FSTL4: variants seen among roughly 807,000 people sequenced by gnomAD.
FSTL4 encodes follistatin-related protein 4.
FSTL4 carries 28 observed loss-of-function variants against 78.2 expected under a neutral mutation model. That is an observed-to-expected ratio of 0.36 (90% CI 0.27 to 0.49). The LOEUF (loss-of-function observed/expected upper bound fraction) is 0.49. Among genes scored for constraint, FSTL4 ranks in the 20% least tolerant of loss-of-function variants. The pLI, the probability that FSTL4 is intolerant of heterozygous loss-of-function variation, is 0.98. For missense variants in FSTL4, 922 were observed against 1,084.9 expected (o/e 0.85, Z 2.11); for synonymous variants, 422 against 440.5 (o/e 0.96, Z 0.53).
chr5:133,635,037 A>G, the FSTL4 span, among the ~76,000 whole-genome samples: 33 of 152,046 alleles, frequency 2.2e-4, no homozygotes, highest in African/African-American at 8.0e-4. Context: ...TAGTTCCTCT[A>G]CTTGGCATTT....
the FSTL4 span, among the ~76,000 whole-genome samples, chr5:133,798,114 A>G: frequency 0.99 from 151,207 of 152,344 alleles, 75,048 homozygotes; most frequent in Middle Eastern, 1. Flanking sequence ...GTGGCCCTCC[A>G]CTCATCTGTG....
At position 133,235,499 on chromosome 5, in the gene FSTL4, C is replaced by CAAA. The variant is rs71581361; in HGVS notation, c.895-1965_895-1963dup. Among the ~76,000 whole-genome samples, 306 of 97,458 alleles carry CAAA rather than the reference C, an allele frequency of 3.1e-3. 3 individuals are homozygous for CAAA. Among genetic ancestry groups the CAAA allele is most frequent in the East Asian group, 0.01 (36 of 3,562 alleles). 63.9% of individuals were successfully genotyped at this position (97,458 alleles called of 152,430 possible). A position where few individuals can be genotyped will look rare whatever the true frequency, so the allele number is the denominator to read the frequency against. ...GGGTGACAGAGCGAGACCCCACCTCCAAAAAAAAAAAAAAAAAAAGACACT... is the reference window on the plus strand; with the variant it reads ...GGGTGACAGAGCGAGACCCCACCTCCAAAAAAAAAAAAAAAAAAAAAAGACACT... On this transcript the variant is annotated intron_variant, in intron 7 of 15. Coordinates refer to ENST00000265342, the MANE Select transcript of FSTL4 (RefSeq NM_015082.2).
At chr5:133,211,588 C>A (rs1750723437) in intron 13 of FSTL4, among the ~76,000 whole-genome samples, 1 of 152,214 alleles carries the variant, frequency 6.6e-6, no homozygotes, top group East Asian at 1.9e-4. Flanking sequence ...AAGAAGTAAG[C>A]ATTTCTCCTT....
At chr5:133,356,747 C>T (rs914216668) in intron 4 of FSTL4, among the ~76,000 whole-genome samples, 2 of 152,250 alleles carry the variant, frequency 1.3e-5, no homozygotes, top group Non-Finnish European at 2.9e-5. Context: ...AGCATGGCTG[C>T]CTCCTGGCCT....
the FSTL4 span, among the ~76,000 whole-genome samples, chr5:133,670,522 A>G: frequency 1.3e-5 from 2 of 152,250 alleles, no homozygotes; most frequent in South Asian, 2.1e-4. Context: ...TTTTCACCCC[A>G]GAGTTGGGGG....
the FSTL4 span, among the ~76,000 whole-genome samples, chr5:133,772,054 G>C: frequency 6.6e-6 from 1 of 152,132 alleles, no homozygotes; most frequent in African/African-American, 2.4e-5. Context: ...TGCCAAAAAG[G>C]ACAATAATTC....
chr5:133,461,515 A>T (rs1757590241), intron 3 of FSTL4, among the ~76,000 whole-genome samples: 1 of 151,654 alleles, frequency 6.6e-6, no homozygotes, highest in Non-Finnish European at 1.5e-5. Context: ...ACATCCTGGG[A>T]TGAATGCAAA....
At chr5:133,629,792 T>A in the FSTL4 span, among the ~76,000 whole-genome samples, 1 of 152,182 alleles carries the variant, frequency 6.6e-6, no homozygotes, top group Non-Finnish European at 1.5e-5. Flanking sequence ...AAAAAGCTTA[T>A]CCACCACGAT....
chr5:133,814,296 A>G, the FSTL4 span, among the ~76,000 whole-genome samples: 13 of 152,312 alleles, frequency 8.5e-5, no homozygotes, highest in African/African-American at 3.1e-4. Flanking sequence ...TGGAGGTTGC[A>G]CGGAAGCCAC....
the FSTL4 span, among the ~76,000 whole-genome samples, chr5:133,770,480 A>G: frequency 4.0e-4 from 61 of 152,196 alleles, no homozygotes; most frequent in African/African-American, 1.4e-3. Flanking sequence ...ATGATTAGTG[A>G]TGTTGAGCAG....
At chr5:133,604,408 T>A (rs1352152128) in intron 1 of FSTL4, among the ~76,000 whole-genome samples, 2 of 152,168 alleles carry the variant, frequency 1.3e-5, no homozygotes, top group Non-Finnish European at 1.5e-5. Flanking sequence ...CAATTAGTGC[T>A]CGAGAAACTA....
intron 12 of FSTL4, 65 bp downstream of exon 12, chr5:133,220,683 A>G (rs546946058): frequency 2.3e-6 from 2 of 871,176 alleles, no homozygotes; most frequent in Admixed American, 1.8e-5. Context: ...ATGCCTGGTT[A>G]AAGATAGACT....
chr5:133,350,410 C>T (rs193135587), intron 4 of FSTL4, among the ~76,000 whole-genome samples: 34 of 152,362 alleles, frequency 2.2e-4, no homozygotes, highest in Non-Finnish European at 4.0e-4. Context: ...CGCTGTTGCA[C>T]GAAGGGCCCA....
At chr5:133,731,757 C>T in the FSTL4 span, among the ~76,000 whole-genome samples, 3 of 152,094 alleles carry the variant, frequency 2.0e-5, no homozygotes, top group Non-Finnish European at 2.9e-5. Context: ...GAGCATCCCC[C>T]AAGGTGCAAG....
At chr5:133,212,580 A>G (rs887087291) in intron 13 of FSTL4, among the ~76,000 whole-genome samples, 3 of 152,356 alleles carry the variant, frequency 2.0e-5, no homozygotes, top group Non-Finnish European at 4.4e-5. Flanking sequence ...TTGATAGAAC[A>G]TATCCAAATT....
Position 133,233,455 on chromosome 5 carries a change from T to C in FSTL4, c.977A>G (p.His326Arg), listed in dbSNP as rs1165184704. The C allele has an allele frequency of 1.2e-6, 2 of 1,614,228 alleles. No homozygotes were observed. The highest frequency in any genetic ancestry group is 1.7e-6 in the Non-Finnish European group (2 of 1,180,044). Residue 326 changes from histidine (H) to arginine (R), a missense_variant, in exon 8 of 16, where the codon CAC becomes CGC. By Grantham distance (29) the His-to-Arg change is conservative. Transcript: ENST00000265342. ...GACGTGGGTCTGGAACAGCTGCTCG[T>C]GGCCGGAAGCATGGCAGGTGTAATT... ...MGNYTCHASG[H>R]EQLFQTHVLQ...
chr5:133,501,030 C>T (rs112238127), intron 3 of FSTL4, among the ~76,000 whole-genome samples: 109 of 152,110 alleles, frequency 7.2e-4, no homozygotes, highest in Middle Eastern at 3.4e-3. Flanking sequence ...CTCTAAGTGC[C>T]GTGCAATTTT....
At chr5:133,712,793 T>G in the FSTL4 span, among the ~76,000 whole-genome samples, 2 of 152,212 alleles carry the variant, frequency 1.3e-5, no homozygotes, top group Non-Finnish European at 2.9e-5. Flanking sequence ...GGGGCCACTT[T>G]GAAGGCCTAT....
chr5:133,314,992 T>G (rs1378957894), intron 5 of FSTL4, among the ~76,000 whole-genome samples: 2 of 151,864 alleles, frequency 1.3e-5, no homozygotes, highest in Admixed American at 6.6e-5. Flanking sequence ...TGAAACCATA[T>G]CTCTACTAAA....
Sources: allele counts gnomAD v4.1 joint callset (sites outside exome capture counted in the v4.1 genomes callset), GRCh38; gene constraint gnomAD v4.1.1; transcripts MANE v1.5; gene names NCBI Gene and HGNC (gene_info 2026-07-23, HGNC 2026-07-21).